UNC5D: variants seen among roughly 807,000 people sequenced by gnomAD.
The protein encoded by UNC5D is netrin receptor UNC5D.
Under a neutral mutation model 105.4 loss-of-function variants are expected in UNC5D, and 39 were observed. That is an observed-to-expected ratio of 0.37 (90% CI 0.29 to 0.48). The LOEUF is 0.48. UNC5D is among the 20% of genes least tolerant of loss of function. The probability of loss-of-function intolerance (pLI) is 0.98; values close to 1 mark genes in which losing one functional copy is unlikely to be tolerated. For synonymous variants in UNC5D, 452 were observed against 450.4 expected, an observed-to-expected ratio of 1.00 and a Z score of -0.04; for missense variants, 991 against 1,202.4, an observed-to-expected ratio of 0.82 and a Z score of 2.60.
intron 1 of UNC5D, among the ~76,000 whole-genome samples, chr8:35,319,611 A>G (rs571073266): frequency 6.6e-6 from 1 of 152,246 alleles, no homozygotes; most frequent in African/African-American, 2.4e-5. Flanking sequence ...AAAGAGAATC[A>G]CTAGACTGAG....
chr8:35,258,032 A>G (rs1007270701), intron 1 of UNC5D, among the ~76,000 whole-genome samples: 3 of 152,232 alleles, frequency 2.0e-5, no homozygotes, highest in African/African-American at 4.8e-5. Context: ...TAGTTTATAC[A>G]TAGTAGACAT....
intron 11 of UNC5D, among the ~76,000 whole-genome samples, chr8:35,736,229 G>A (rs1425378135): frequency 1.3e-5 from 2 of 152,060 alleles, no homozygotes; most frequent in African/African-American, 4.8e-5. Context: ...AAATTAATAG[G>A]GCATGGGGGT....
At chr8:35,416,716 A>C (rs1412946528) in intron 1 of UNC5D, among the ~76,000 whole-genome samples, 1 of 152,162 alleles carries the variant, frequency 6.6e-6, no homozygotes, top group Non-Finnish European at 1.5e-5. Context: ...AGAAAAAAAA[A>C]ATGTCCATGG....
At chr8:35,524,640 C>CAAAAAA (rs113548648) in intron 1 of UNC5D, among the ~76,000 whole-genome samples, 1 of 71,120 alleles carries the variant, frequency 1.4e-5, no homozygotes, top group Non-Finnish European at 2.9e-5. Context: ...ATGCCCTGTG[C>CAAAAAA]AAAAAAAAAA....
intron 1 of UNC5D, among the ~76,000 whole-genome samples, chr8:35,317,036 C>T (rs532466608): frequency 9.9e-5 from 15 of 152,142 alleles, no homozygotes; most frequent in East Asian, 3.9e-4. Context: ...TTGGAAGAAA[C>T]GTAGACAGCA....
intron 11 of UNC5D, among the ~76,000 whole-genome samples, chr8:35,747,710 A>G (rs1239105038): frequency 6.6e-6 from 1 of 152,196 alleles, no homozygotes; most frequent in Non-Finnish European, 1.5e-5. Context: ...GCACAGATTA[A>G]AAACAAAAGC....
chr8:35,695,823 C>A (rs960249961), intron 7 of UNC5D, among the ~76,000 whole-genome samples: 2 of 151,856 alleles, frequency 1.3e-5, no homozygotes, highest in Admixed American at 6.6e-5. Flanking sequence ...CAACCTCTGC[C>A]TTCTGGGTTC....
chr8:35,281,269 A>G (rs1396139179), intron 1 of UNC5D, among the ~76,000 whole-genome samples: 1 of 152,076 alleles, frequency 6.6e-6, no homozygotes, highest in Non-Finnish European at 1.5e-5. Flanking sequence ...CCCTGGTTCA[A>G]AGAAAGAGAG....
At chr8:35,600,584 G>A (rs552958970) in intron 4 of UNC5D, among the ~76,000 whole-genome samples, 1 of 152,306 alleles carries the variant, frequency 6.6e-6, no homozygotes, top group East Asian at 1.9e-4. Flanking sequence ...TCTTTTGGCT[G>A]CATAAATGTC....
chr8:35,330,268 G>T (rs1244774619), intron 1 of UNC5D, among the ~76,000 whole-genome samples: 2 of 152,162 alleles, frequency 1.3e-5, no homozygotes, highest in Non-Finnish European at 2.9e-5. Flanking sequence ...GTGGAAAAAA[G>T]ACTGTATTTA....
intron 4 of UNC5D, among the ~76,000 whole-genome samples, chr8:35,638,491 G>A (rs1242372619): frequency 6.6e-6 from 1 of 151,718 alleles, no homozygotes. Flanking sequence ...AACAAGATAA[G>A]GATTAAGATT....
intron 4 of UNC5D, among the ~76,000 whole-genome samples, chr8:35,641,366 C>CAAAAAAAAAAAAAAAAAAAAAAAACA (rs377021599): frequency 2.3e-5 from 1 of 44,284 alleles, no homozygotes; most frequent in Non-Finnish European, 4.2e-5. Flanking sequence ...AAAAATAAAG[C>CAAAAAAAAAAAAAAAAAAAAAAAACA]AAAAAAAAAA....
At chr8:35,491,221 T>C (rs1489683913) in intron 1 of UNC5D, among the ~76,000 whole-genome samples, 1 of 152,294 alleles carries the variant, frequency 6.6e-6, no homozygotes, top group African/African-American at 2.4e-5. Flanking sequence ...AGGTATCTCT[T>C]CATGATCTTT....
At chr8:35,255,540 C>T (rs1363824861) in intron 1 of UNC5D, 1 of 151,854 alleles carries the variant, frequency 6.6e-6, no homozygotes, top group Non-Finnish European at 1.5e-5. Flanking sequence ...ATTTAATCTC[C>T]CAAAACAACT....
At chr8:35,348,343 T>C (rs1420438994) in intron 1 of UNC5D, among the ~76,000 whole-genome samples, 5 of 151,846 alleles carry the variant, frequency 3.3e-5, no homozygotes, top group Non-Finnish European at 7.4e-5. Flanking sequence ...AGTAAAGGGG[T>C]ATCTGGAATG....
intron 4 of UNC5D, among the ~76,000 whole-genome samples, chr8:35,640,372 G>T (rs1822637696): frequency 6.6e-6 from 1 of 152,132 alleles, no homozygotes; most frequent in Admixed American, 6.6e-5. Flanking sequence ...AGCCCTTCAA[G>T]AAATCATGTA....
chr8:35,714,164 A>T (rs1427058250), intron 8 of UNC5D, among the ~76,000 whole-genome samples: 1 of 152,206 alleles, frequency 6.6e-6, no homozygotes, highest in East Asian at 1.9e-4. Context: ...CAAATATGAG[A>T]ATGGTTTGAG....
intron 4 of UNC5D, among the ~76,000 whole-genome samples, chr8:35,606,870 G>A (rs887932380): frequency 1.3e-5 from 2 of 152,192 alleles, no homozygotes; most frequent in South Asian, 2.1e-4. Flanking sequence ...CTCTGTGGCT[G>A]TTCAGGACTG....
rs185876338 is a variant in UNC5D, at chr8:35,416,226, G to A, written c.104-133066G>A. Among the ~76,000 whole-genome samples, 114 of 152,124 alleles carry A rather than the reference G, an allele frequency of 7.5e-4. 2 individuals are homozygous for A. Among genetic ancestry groups the A allele is most frequent in the African/African-American group, 2.6e-3 (109 of 41,524 alleles). On this transcript the variant is annotated intron_variant, in intron 1 of 16. Transcript: ENST00000404895. Reference sequence around the variant, plus strand: ...GGTGAAGCATAACCATAGGGAGACTGACTTGGTGTAGGGATGGCACCTGCT... The same window carrying A: ...GGTGAAGCATAACCATAGGGAGACTAACTTGGTGTAGGGATGGCACCTGCT...
Sources: allele counts gnomAD v4.1 joint callset (sites outside exome capture counted in the v4.1 genomes callset), GRCh38; gene constraint gnomAD v4.1.1; transcripts MANE v1.5; gene names NCBI Gene and HGNC (gene_info 2026-07-23, HGNC 2026-07-21).